The following HOMER1 variants were observed in gnomAD, a reference collection of about 807,000 sequenced individuals.
The protein encoded by HOMER1 is homer scaffold protein 1, also known as homer protein homolog 1.
In HOMER1, 3 loss-of-function variants were observed where a neutral mutation model predicts 48.9. The observed-to-expected ratio is 0.06, with a 90% confidence interval of 0.03 to 0.16. The LOEUF (loss-of-function observed/expected upper bound fraction) is 0.16. Among genes scored for constraint, HOMER1 ranks in the 10% least tolerant of loss-of-function variants. The pLI, the probability that HOMER1 is intolerant of heterozygous loss-of-function variation, is 1.00. For synonymous variants in HOMER1, 134 were observed against 146.4 expected (o/e 0.92, Z 0.61); for missense variants, 247 against 411.4 (o/e 0.60, Z 3.46).
intron 1 of HOMER1, among the ~76,000 whole-genome samples, chr5:79,494,281 C>G (rs564547649): frequency 6.6e-6 from 1 of 152,300 alleles, no homozygotes; most frequent in African/African-American, 2.4e-5. Flanking sequence ...GAATACCAGA[C>G]CAATAATATC....
At chr5:79,500,727 C>A (rs932365453) in intron 1 of HOMER1, among the ~76,000 whole-genome samples, 1 of 151,530 alleles carries the variant, frequency 6.6e-6, no homozygotes, top group East Asian at 1.9e-4. Context: ...CAGGATCAAG[C>A]GATTCTTATG....
In HOMER1 at chr5:79,482,135, A is replaced by G. The variant is rs1327922823; in HGVS notation, c.6-25117T>C. ...CTTGGGAGGCTGAGGTGGGAGGACC[A>G]CTTGAGTCCAGGAAGTTGAGGCTGC... On this transcript the variant is annotated intron_variant, in intron 1 of 8. Transcript: ENST00000334082. Among the ~76,000 whole-genome samples, 3 of 152,198 alleles carry G rather than the reference A, an allele frequency of 2.0e-5. No individual in the cohort carries two copies. The East Asian group carries it at 5.8e-4, about 29-fold the overall frequency.
At chr5:79,387,806 C>T (rs1442403308) in intron 8 of HOMER1, among the ~76,000 whole-genome samples, 4 of 152,186 alleles carry the variant, frequency 2.6e-5, no homozygotes, top group African/African-American at 9.6e-5. Flanking sequence ...GTGTACACTG[C>T]AATCACAGTC....
chr5:79,427,336 T>C (rs1561359422), intron 5 of HOMER1, among the ~76,000 whole-genome samples: 1 of 152,190 alleles, frequency 6.6e-6, no homozygotes, highest in Admixed American at 6.5e-5. Flanking sequence ...AGAACATGCT[T>C]TATATTCATT....
At chr5:79,391,580 TA>T (rs1173249246) in intron 8 of HOMER1, among the ~76,000 whole-genome samples, 1 of 151,164 alleles carries the variant, frequency 6.6e-6, no homozygotes, top group African/African-American at 2.4e-5. Flanking sequence ...CCGTCTCTGC[TA>T]AAAAAATGCA....
intron 1 of HOMER1, among the ~76,000 whole-genome samples, chr5:79,477,495 T>C (rs763896704): frequency 8.5e-5 from 13 of 152,242 alleles, no homozygotes; most frequent in South Asian, 2.1e-4. Flanking sequence ...TATGAGGCCA[T>C]TGGATATGGA....
intron 5 of HOMER1, among the ~76,000 whole-genome samples, chr5:79,424,464 A>G (rs1750188012): frequency 6.6e-6 from 1 of 152,084 alleles, no homozygotes; most frequent in African/African-American, 2.4e-5. Flanking sequence ...ATTATCTTCC[A>G]TTTAAAAATG....
At chr5:79,473,610 T>A (rs1293955617) in intron 1 of HOMER1, among the ~76,000 whole-genome samples, 1 of 152,202 alleles carries the variant, frequency 6.6e-6, no homozygotes, top group South Asian at 2.1e-4. Flanking sequence ...CTCTTAAATC[T>A]TTCTTAATCA....
At chr5:79,386,730 T>C (rs1749119855) in intron 8 of HOMER1, among the ~76,000 whole-genome samples, 1 of 152,044 alleles carries the variant, frequency 6.6e-6, no homozygotes, top group South Asian at 2.1e-4. Flanking sequence ...ATGTATCCCA[T>C]AAATACGTAA....
At chr5:79,406,052 G>C (rs2112226411) in intron 5 of HOMER1, among the ~76,000 whole-genome samples, 1 of 152,276 alleles carries the variant, frequency 6.6e-6, no homozygotes, top group African/African-American at 2.4e-5. Flanking sequence ...TAGTTGCCTT[G>C]TTTTGGCGTA....
At chr5:79,501,184 T>C (rs1281886081) in intron 1 of HOMER1, among the ~76,000 whole-genome samples, 2 of 151,968 alleles carry the variant, frequency 1.3e-5, no homozygotes, top group Non-Finnish European at 2.9e-5. Flanking sequence ...TTGCCCAGGC[T>C]GGTCTCGAAC....
At chr5:79,395,412 G>A (rs778627227) in intron 8 of HOMER1, among the ~76,000 whole-genome samples, 8 of 152,098 alleles carry the variant, frequency 5.3e-5, no homozygotes, top group Non-Finnish European at 1.0e-4. Flanking sequence ...TATCAGTGGC[G>A]CTCCACTAAT....
chr5:79,480,021 T>C (rs1396331438), intron 1 of HOMER1, among the ~76,000 whole-genome samples: 2 of 152,164 alleles, frequency 1.3e-5, no homozygotes, highest in Non-Finnish European at 2.9e-5. Flanking sequence ...ATAGCAATTG[T>C]TCAAAAGTAA....
chr5:79,468,515 T>C (rs1284327973), intron 1 of HOMER1, among the ~76,000 whole-genome samples: 1 of 152,238 alleles, frequency 6.6e-6, no homozygotes, highest in Non-Finnish European at 1.5e-5. Context: ...TTTGACTTCC[T>C]TTTTAGAACC....
In HOMER1 at chr5:79,372,888, T is replaced by C. The variant is rs2112175268; in HGVS notation, c.*3121A>G. 1 of 152,160 alleles carries C rather than the reference T, an allele frequency of 6.6e-6. No individual in the cohort carries two copies. Among genetic ancestry groups the C allele is most frequent in the East Asian group, 1.9e-4 (1 of 5,190 alleles). 9.4% of individuals were successfully genotyped at this position (152,160 alleles called of 1,614,324 possible). On this transcript the variant is annotated 3_prime_UTR_variant, in exon 9 of 9. Transcript: ENST00000334082. ...GGCTTAATTTTGAGTGTTCCTTTTA[T>C]TTCCACCTGAAAAAAAAAGTGAGCT... is the stretch of plus-strand genomic sequence containing the variant.
At chr5:79,441,628 GTATTT>G (rs372918359) in intron 4 of HOMER1, among the ~76,000 whole-genome samples, 348 of 152,108 alleles carry the variant, frequency 2.3e-3, no homozygotes, top group African/African-American at 8.1e-3. Flanking sequence ...CCAAAGCATG[GTATTT>G]TATTTTTTTA....
intron 4 of HOMER1, among the ~76,000 whole-genome samples, chr5:79,442,986 C>G (rs1251240507): frequency 6.6e-6 from 1 of 152,176 alleles, no homozygotes; most frequent in Non-Finnish European, 1.5e-5. Flanking sequence ...TTAATTTATG[C>G]TCTTCCTTCG....
chr5:79,496,800 C>T (rs567384325), intron 1 of HOMER1, among the ~76,000 whole-genome samples: 1 of 152,144 alleles, frequency 6.6e-6, no homozygotes, highest in South Asian at 2.1e-4. Context: ...CACGGTGGCT[C>T]ATGCCTGTAA....
At chr5:79,387,069 T>C (rs1050331358) in intron 8 of HOMER1, among the ~76,000 whole-genome samples, 30 of 132,264 alleles carry the variant, frequency 2.3e-4, no homozygotes, top group African/African-American at 3.2e-4. Context: ...TTTCCTTTCT[T>C]TCTCTATCTC....
Sources: gnomAD v4.1 joint callset for allele counts (sites outside exome capture counted in the v4.1 genomes callset) on GRCh38, gnomAD v4.1.1 for gene constraint, MANE v1.5 for transcripts, NCBI Gene and HGNC (gene_info 2026-07-23, HGNC 2026-07-21) for gene names.